The following LMO7 variants were observed in gnomAD, a reference collection of about 807,000 sequenced individuals.
LMO7 encodes LIM domain 7.
In LMO7, 120 loss-of-function variants were observed where a neutral mutation model predicts 206.5. The observed-to-expected ratio is 0.58, with a 90% CI of 0.50 to 0.68. LMO7 has a LOEUF of 0.68. Among genes scored for constraint, LMO7 ranks in the 30% least tolerant of loss-of-function variants. LMO7 has a pLI of 0.00. For synonymous variants in LMO7, 706 were observed against 681.5 expected (o/e 1.04, Z -0.56); for missense variants, 1,959 against 1,957.9 (o/e 1.00, Z -0.01).
At chr13:75,657,716 GT>G (rs2038188222) in intron 1 of LMO7, among the ~76,000 whole-genome samples, 1 of 151,938 alleles carries the variant, frequency 6.6e-6, no homozygotes, top group Admixed American at 6.6e-5. Flanking sequence ...TTTGCCATTG[GT>G]TACTAGATTT....
Position 75,805,585 on chromosome 13 carries a change from A to G in LMO7, c.1021A>G (p.Ile341Val). 1 of 1,614,092 alleles carries G rather than the reference A, an allele frequency of 6.2e-7. No homozygotes were observed. The highest frequency in any genetic ancestry group is 8.5e-7 in the Non-Finnish European group (1 of 1,179,904). Reference sequence around the variant, plus strand: ...AGAGGAAAAAGCAAAGACAAGAAGCATACCCAACATTGTAAAGGATGATCT... The same window carrying G: ...AGAGGAAAAAGCAAAGACAAGAAGCGTACCCAACATTGTAAAGGATGATCT... Reference protein sequence around the residue: ...LEEEKAKTRSIPNIVKDDLYV... With the variant: ...LEEEKAKTRSVPNIVKDDLYV... The change falls in exon 9 of 31, where the codon ATA becomes GTA. Residue 341 changes from isoleucine (I) to valine (V), a missense_variant. Physicochemically the swap from Ile to Val is conservative, Grantham distance 29. Transcript: ENST00000377534.
Position 75,853,325 on chromosome 13 carries a change from A to G in LMO7, c.4598A>G (p.Gln1533Arg). Residue 1533 changes from glutamine to arginine, a missense_variant, in exon 28 of 31, where the codon CAG (glutamine) becomes CGG (arginine). Coordinates refer to ENST00000377534, the MANE Select transcript of LMO7 (RefSeq NM_001306080.2). Reference protein sequence around the residue: ...KTSTTGVATTQSPTPRSHSPS... With the variant: ...KTSTTGVATTRSPTPRSHSPS... ...TCCACCACAGGTGTGGCCACCACAC[A>G]GTCCCCCACCCCGAGAAGCCATTCC... 1.2e-6 allele frequency: 2 copies of G among 1,613,916 alleles called. No homozygotes were observed. Among genetic ancestry groups the G allele is most frequent in the Non-Finnish European group, 1.7e-6 (2 of 1,179,902 alleles).
chr13:75,843,235 G>C (rs915039126), intron 25 of LMO7, among the ~76,000 whole-genome samples: 3 of 152,214 alleles, frequency 2.0e-5, no homozygotes, highest in African/African-American at 7.2e-5. Context: ...CTGGCTGTCA[G>C]CTGGGGCTGT....
chr13:75,654,407 T>A (rs1015800779), intron 1 of LMO7, among the ~76,000 whole-genome samples: 2 of 152,152 alleles, frequency 1.3e-5, no homozygotes, highest in Non-Finnish European at 2.9e-5. Flanking sequence ...TCGTTCCTTT[T>A]TCTCGTTTTC....
intron 2 of LMO7, among the ~76,000 whole-genome samples, chr13:75,625,427 ATGTGTGTGTGTGTGTGTGTGTGTG>A (rs59334649): frequency 1.9e-5 from 2 of 103,544 alleles, no homozygotes; most frequent in Non-Finnish European, 2.0e-5. Context: ...GTGTGTGTGC[ATGTGTGTGTGTGTGTGTGTGTGTG>A]TGTGCATGTG....
intron 3 of LMO7, among the ~76,000 whole-genome samples, chr13:75,753,205 T>C (rs1247007910): frequency 6.6e-6 from 1 of 152,238 alleles, no homozygotes; most frequent in Admixed American, 6.5e-5. Context: ...CATATTTTTG[T>C]TGGCCATTTG....
At chr13:75,710,079 T>C (rs1248635778) in intron 1 of LMO7, among the ~76,000 whole-genome samples, 1 of 151,956 alleles carries the variant, frequency 6.6e-6, no homozygotes, top group Non-Finnish European at 1.5e-5. Context: ...TTCTTGTTTT[T>C]GTCAGGTTTG....
At chr13:75,773,004 C>T (rs1052249529) in intron 4 of LMO7, among the ~76,000 whole-genome samples, 2 of 151,990 alleles carry the variant, frequency 1.3e-5, no homozygotes, top group Non-Finnish European at 2.9e-5. Context: ...AAAGTGATCA[C>T]ATGATGGAGT....
intron 1 of LMO7, among the ~76,000 whole-genome samples, chr13:75,641,337 C>T (rs1199003690): frequency 6.6e-6 from 1 of 152,204 alleles, no homozygotes; most frequent in Admixed American, 6.5e-5. Context: ...AGCATAGCTT[C>T]CAGAAGTTGC....
At chr13:75,711,015 T>C (rs1268647850) in intron 1 of LMO7, among the ~76,000 whole-genome samples, 14 of 152,210 alleles carry the variant, frequency 9.2e-5, no homozygotes, top group African/African-American at 3.1e-4. Context: ...TGAAGCGTTG[T>C]TGAATTTTGT....
intron 1 of LMO7, among the ~76,000 whole-genome samples, chr13:75,669,970 A>G (rs1033492673): frequency 3.9e-4 from 59 of 152,268 alleles, no homozygotes; most frequent in African/African-American, 1.3e-3. Context: ...CCTTACAGCT[A>G]TGCCTGCTTA....
intron 1 of LMO7, among the ~76,000 whole-genome samples, chr13:75,654,197 CA>C (rs1342671863): frequency 1.3e-5 from 2 of 152,120 alleles, no homozygotes; most frequent in African/African-American, 4.8e-5. Context: ...GGAGACTCTA[CA>C]AAGAATTCAA....
intron 15 of LMO7, among the ~76,000 whole-genome samples, chr13:75,827,264 T>C (rs1241965175): frequency 6.6e-6 from 1 of 152,146 alleles, no homozygotes; most frequent in Non-Finnish European, 1.5e-5. Flanking sequence ...GGTGCTTTAG[T>C]GTGTGGGAAT....
chr13:75,692,961 C>T (rs1201924130), intron 1 of LMO7, among the ~76,000 whole-genome samples: 1 of 152,178 alleles, frequency 6.6e-6, no homozygotes, highest in Non-Finnish European at 1.5e-5. Flanking sequence ...CTAGAGTTTA[C>T]AGGGCACTCT....
At chr13:75,626,570 A>AT (rs1364084786) in intron 2 of LMO7, among the ~76,000 whole-genome samples, 1 of 83,628 alleles carries the variant, frequency 1.2e-5, no homozygotes, top group African/African-American at 4.0e-5. Flanking sequence ...CCCTCTTAAC[A>AT]TATATATTAT....
rs190020418 is a variant in LMO7 at position 75,621,827 on chromosome 13, T to C, written c.134T>C (p.Val45Ala). 5.6e-6 allele frequency: 9 copies of C among 1,610,312 alleles called. No homozygotes were observed. In the East Asian group the frequency reaches 1.1e-4, roughly 20 times the overall value. Residue 45 changes from valine to alanine, a missense_variant, in exon 1 of 30, where the codon GTG becomes GCG. Coordinates refer to the LMO7 transcript ENST00000341547. ...ATATGTGCTCATGTCTGCATCTGTG[T>C]GGGTTGGCTGTATCTCAGGGACAGA...
At chr13:75,737,777 T>TAAAAAA (rs1391839155) in intron 3 of LMO7, among the ~76,000 whole-genome samples, 5 of 22,702 alleles carry the variant, frequency 2.2e-4, no homozygotes, top group South Asian at 2.5e-3. Flanking sequence ...TAAAATAAAA[T>TAAAAAA]AAAATAAAAA....
At chr13:75,813,379 C>T (rs1216970014) in intron 11 of LMO7, among the ~76,000 whole-genome samples, 1 of 152,172 alleles carries the variant, frequency 6.6e-6, no homozygotes, top group Non-Finnish European at 1.5e-5. Context: ...ACAGCCAAAT[C>T]CAGTTCTCAT....
chr13:75,656,076 G>A (rs550079071), intron 1 of LMO7, among the ~76,000 whole-genome samples: 1 of 152,292 alleles, frequency 6.6e-6, no homozygotes, highest in Admixed American at 6.5e-5. Context: ...GGAAGCCATG[G>A]CAACTGTTGT....
Sources: gnomAD v4.1 joint callset for allele counts (sites outside exome capture counted in the v4.1 genomes callset) on GRCh38, gnomAD v4.1.1 for gene constraint, MANE v1.5 for transcripts, NCBI Gene and HGNC (gene_info 2026-07-23, HGNC 2026-07-21) for gene names.